MCF2L: variants seen among roughly 807,000 people sequenced by gnomAD.
The protein encoded by MCF2L is guanine nucleotide exchange factor DBS.
A neutral mutation model predicts 153.4 loss-of-function variants in MCF2L; 97 were observed. That is an observed-to-expected ratio of 0.63 (90% confidence interval 0.54 to 0.75). The LOEUF is 0.75. Among genes scored for constraint, MCF2L ranks in the 30% least tolerant of loss-of-function variants. The probability of loss-of-function intolerance (pLI) is 0.00; values close to 1 mark genes in which losing one functional copy is unlikely to be tolerated. For missense variants in MCF2L, 1,347 were observed against 1,495.2 expected (o/e 0.90, Z 1.64); for synonymous variants, 659 against 632.2 (o/e 1.04, Z -0.64).
At chr13:112,924,822 G>A (rs181346309) in intron 2 of MCF2L, among the ~76,000 whole-genome samples, 93 of 152,308 alleles carry the variant, frequency 6.1e-4, no homozygotes, top group South Asian at 1.0e-3. Flanking sequence ...CTGCCCAGAC[G>A]TTAAAATTTT....
At chr13:113,011,151 T>G (rs1004356122) in intron 1 of MCF2L, among the ~76,000 whole-genome samples, 2 of 152,086 alleles carry the variant, frequency 1.3e-5, no homozygotes, top group Non-Finnish European at 1.5e-5. Flanking sequence ...AGGCCAACAC[T>G]CTGGTGTGGG....
chr13:113,064,203 C>T lies in MCF2L; in HGVS notation c.490-101C>T, dbSNP rs1320030409. The T allele has an allele frequency of 1.2e-5, 10 of 860,144 alleles. No individual in the cohort carries two copies. The highest frequency in any genetic ancestry group is 7.3e-5 in the East Asian group (3 of 41,318). 53.3% of individuals were successfully genotyped at this position (860,144 alleles called of 1,614,324 possible). On this transcript the variant is annotated intron_variant, in intron 5 of 29. Transcript: ENST00000535094. The surrounding 1 kb of genome is among the most constrained non-coding windows in gnomAD (Gnocchi z 6.0). ...CAGCCGCCCGCAGCATCCAGGCAGA[C>T]GTGGTCCTCTCTGTGCTGCTGGGTG...
At position 113,086,376 on chromosome 13, in the gene MCF2L, G is replaced by GA. The variant is rs1267062884; in HGVS notation, c.2373+127_2373+128insA. On this transcript the variant is annotated intron_variant, in intron 21 of 29. Transcript: ENST00000535094. ...TGTGCAGGTTCTGGGCAGGAGGTCT[G>GA]GGGTGGTCCCTAGATAAGCCCACTC... The GA allele has an allele frequency of 3.6e-6, 5 of 1,395,218 alleles. No individual in the cohort carries two copies. The African/African-American group carries it at 6.0e-5, about 17-fold the overall frequency. 86.4% of individuals were successfully genotyped at this position (1,395,218 alleles called of 1,614,324 possible).
At chr13:112,945,117 A>G (rs1055504539) in intron 2 of MCF2L, among the ~76,000 whole-genome samples, 5 of 151,204 alleles carry the variant, frequency 3.3e-5, no homozygotes, top group African/African-American at 7.3e-5. Context: ...CTCTATATAC[A>G]TATCTACCAT....
rs2033552300 is a variant in MCF2L at position 113,076,947 on chromosome 13, T to A, written c.1501-105T>A. On this transcript the variant is annotated intron_variant, in intron 12 of 29. Coordinates refer to ENST00000535094, the MANE Select transcript of MCF2L (RefSeq NM_001112732.3). ...CTGACAGACCCCGCATGGAGAACAT[T>A]TAAAGCGGGGGTTGGGCGTGCCCCG... 2.4e-6 allele frequency: 3 copies of A among 1,263,776 alleles called. No homozygotes were observed. In the Admixed American group the frequency reaches 6.5e-5, roughly 28 times the overall value. The allele number at this position is 1,263,776 out of a possible 1,614,324, so 78.3% of individuals were successfully genotyped here.
At chr13:112,908,487 T>C (rs2081195053) in intron 2 of MCF2L, among the ~76,000 whole-genome samples, 1 of 152,214 alleles carries the variant, frequency 6.6e-6, no homozygotes, top group Non-Finnish European at 1.5e-5. Flanking sequence ...GCAGCTTCTC[T>C]CCCAAGAGCC....
intron 1 of MCF2L, among the ~76,000 whole-genome samples, chr13:112,895,297 G>A (rs2081056201): frequency 6.6e-6 from 1 of 152,170 alleles, no homozygotes; most frequent in Non-Finnish European, 1.5e-5. Context: ...CCGGGACCCC[G>A]AAGGGGTTAA....
chr13:113,098,504 C>T lies in MCF2L; in HGVS notation c.*1645C>T, dbSNP rs2035803431. ...TAAATGGAATTTTAAAAGCAGAGTT[C>T]TTTATTGTATGGATGACGTTTGAAT... On this transcript the variant is annotated 3_prime_UTR_variant, in exon 30 of 30. Transcript: ENST00000535094. 1 of 152,260 alleles carries T rather than the reference C, an allele frequency of 6.6e-6. No homozygotes were observed. The allele number at this position is 152,260 out of a possible 1,614,324, so 9.4% of individuals were successfully genotyped here.
At chr13:112,977,609 A>G (rs2082259852) in intron 1 of MCF2L, among the ~76,000 whole-genome samples, 1 of 152,212 alleles carries the variant, frequency 6.6e-6, no homozygotes, top group Non-Finnish European at 1.5e-5. Flanking sequence ...TGCACATCCA[A>G]TCTGCGCAGC....
intron 4 of MCF2L, among the ~76,000 whole-genome samples, chr13:113,050,268 G>GAGAC (rs1211121552): frequency 4.0e-5 from 3 of 75,264 alleles, no homozygotes; most frequent in African/African-American, 1.4e-4. Flanking sequence ...AAGTGAATGT[G>GAGAC]TGTGAGACTG....
chr13:112,974,060 C>A (rs1463839308), intron 1 of MCF2L, among the ~76,000 whole-genome samples: 2 of 152,180 alleles, frequency 1.3e-5, no homozygotes, highest in South Asian at 4.1e-4. Context: ...CATCCTGGCG[C>A]TTCCTCACCT....
At chr13:113,030,186 C>T (rs2085560118) in intron 3 of MCF2L, among the ~76,000 whole-genome samples, 1 of 152,142 alleles carries the variant, frequency 6.6e-6, no homozygotes, top group South Asian at 2.1e-4. Context: ...GGGGTGAGCT[C>T]GTGCTTTGCT....
rs1017500223 is a variant in MCF2L, at chr13:113,064,120, C to T, written c.490-184C>T. ...ACCACGAGAGGAGGTGTCGGCGGGGCGCTGAGCTGCATCCCATCCGCACAT... is the reference window on the plus strand; with the variant it reads ...ACCACGAGAGGAGGTGTCGGCGGGGTGCTGAGCTGCATCCCATCCGCACAT... On this transcript the variant is annotated intron_variant, in intron 5 of 29. Transcript: ENST00000535094. This position sits in a 1 kb window ranked among gnomAD's most constrained non-coding sequence, Gnocchi z 6.0. Among the ~76,000 whole-genome samples the T allele has an allele frequency of 3.3e-5, 5 of 152,184 alleles. No homozygotes were observed. The highest frequency in any genetic ancestry group is 5.9e-5 in the Non-Finnish European group (4 of 68,038).
At chr13:112,912,983 CTGTG>C (rs1374949257) in intron 2 of MCF2L, among the ~76,000 whole-genome samples, 1 of 129,940 alleles carries the variant, frequency 7.7e-6, no homozygotes, top group Admixed American at 8.0e-5. Flanking sequence ...TGGGGTGTGT[CTGTG>C]TGATTGTGTG....
At chr13:113,086,003 C>T in intron 20 of MCF2L, 121 bp from the exon 21 acceptor site, 2 of 1,088,776 alleles carry the variant, frequency 1.8e-6, no homozygotes, top group Non-Finnish European at 2.5e-6. Context: ...AGGGCAGCTC[C>T]CCACAGACCA....
intron 2 of MCF2L, among the ~76,000 whole-genome samples, chr13:112,950,219 T>G (rs1200622159): frequency 6.6e-6 from 1 of 152,034 alleles, no homozygotes. Context: ...GGAAACTGCA[T>G]GATGCTGATG....
chr13:112,992,851 C>T (rs1201558350), intron 1 of MCF2L, among the ~76,000 whole-genome samples: 1 of 152,226 alleles, frequency 6.6e-6, no homozygotes, highest in Non-Finnish European at 1.5e-5. Context: ...TTTAAAAGCA[C>T]TGACTTTCAC....
At position 113,097,057 on chromosome 13, in the gene MCF2L, C is replaced by T. The variant is rs2035729600; in HGVS notation, c.*198C>T. Reference sequence around the variant, plus strand: ...CGGCCCGCTGGGGCTTCCCCGGAGACTCCAGAGCCCACAGAGGAGGGGCCG... The same window carrying T: ...CGGCCCGCTGGGGCTTCCCCGGAGATTCCAGAGCCCACAGAGGAGGGGCCG... On this transcript the variant is annotated 3_prime_UTR_variant, in exon 30 of 30. Transcript: ENST00000535094. 2.6e-6 allele frequency: 1 copy of T among 380,546 alleles called. No individual in the cohort carries two copies. 23.6% of individuals were successfully genotyped at this position (380,546 alleles called of 1,614,324 possible).
At chr13:113,008,203 C>T (rs969568989) in intron 1 of MCF2L, among the ~76,000 whole-genome samples, 2 of 152,204 alleles carry the variant, frequency 1.3e-5, no homozygotes, top group Non-Finnish European at 2.9e-5. Context: ...TAGGCGTGAG[C>T]CACTGTGCCC....
Sources: gnomAD v4.1 joint callset for allele counts (sites outside exome capture counted in the v4.1 genomes callset) on GRCh38, gnomAD v4.1.1 for gene constraint, Gnocchi (gnomAD v3.1) non-coding constraint, MANE v1.5 for transcripts, NCBI Gene and HGNC (gene_info 2026-07-23, HGNC 2026-07-21) for gene names.